The following TRIM33 variants were observed in gnomAD, a reference collection of about 807,000 sequenced individuals.
TRIM33 encodes tripartite motif containing 33.
Under a neutral mutation model 125.4 loss-of-function variants are expected in TRIM33, and 20 were observed. That is an observed-to-expected ratio of 0.16 (90% CI 0.11 to 0.23). The LOEUF (loss-of-function observed/expected upper bound fraction) is 0.23. Ranked by LOEUF, TRIM33 falls within the 10% of genes least tolerant of loss-of-function variation. The probability of loss-of-function intolerance (pLI) is 1.00; values close to 1 mark genes in which losing one functional copy is unlikely to be tolerated. For synonymous variants in TRIM33, 564 were observed against 513.9 expected (o/e 1.10, Z -1.32); for missense variants, 920 against 1,411.4 (o/e 0.65, Z 5.58).
chr1:114,412,053 A>G (rs1652626494), intron 11 of TRIM33, among the ~76,000 whole-genome samples: 1 of 148,648 alleles, frequency 6.7e-6, no homozygotes, highest in Non-Finnish European at 1.5e-5. Context: ...ACATAAGAAA[A>G]CCAATTTCAC....
chr1:114,397,587 G>GTGTTTTTTTTTTTTTTTT lies in TRIM33; in HGVS notation c.*43_*60dup, dbSNP rs1651608029. On this transcript the variant is annotated 3_prime_UTR_variant, in exon 20 of 20. Coordinates refer to ENST00000358465, the MANE Select transcript of TRIM33 (RefSeq NM_015906.4). The stretch of plus-strand genomic sequence containing the variant: ...CACTTAAAAGTTTTCTGGGTTTTTT[G>GTGTTTTTTTTTTTTTTTT]TGTTTTTTTTTTTTTTTTCGTTTTT... 3.3e-5 allele frequency: 31 copies of GTGTTTTTTTTTTTTTTTT among 952,540 alleles called. No homozygotes were observed. Among genetic ancestry groups the GTGTTTTTTTTTTTTTTTT allele is most frequent in the Middle Eastern group, 3.4e-4 (1 of 2,920 alleles). 59.0% of individuals were successfully genotyped at this position (952,540 alleles called of 1,614,324 possible). A position where few individuals can be genotyped will look rare whatever the true frequency, so the allele number is the denominator to read the frequency against.
At chr1:114,496,143 A>T (rs1202631006) in intron 1 of TRIM33, among the ~76,000 whole-genome samples, 4 of 152,248 alleles carry the variant, frequency 2.6e-5, no homozygotes, top group African/African-American at 9.6e-5. Context: ...CCTTACCCTC[A>T]TATCTGCCCT....
Position 114,397,663 on chromosome 1 carries a change from T to G in TRIM33, c.3369A>C (p.Pro1123=). ...RRKRLKSDER[P]VHIK is the part of the protein sequence containing the mutation. ...CCATGTCATTTTACTTTATATGTAC[T>G]GGTCTCTCATCTGACTTTAGGCGTT... is the stretch of plus-strand genomic sequence containing the variant. Residue 1123 remains proline, a synonymous_variant, in exon 20 of 20, where the codon CCA becomes CCC. Coordinates refer to ENST00000358465, the MANE Select transcript of TRIM33 (RefSeq NM_015906.4). 1 of 1,559,618 alleles carries G rather than the reference T, an allele frequency of 6.4e-7. No homozygotes were observed. The highest frequency in any genetic ancestry group is 1.1e-5 in the South Asian group (1 of 89,890).
chr1:114,491,425 G>A (rs373475174), intron 1 of TRIM33, among the ~76,000 whole-genome samples: 16 of 152,168 alleles, frequency 1.1e-4, no homozygotes, highest in African/African-American at 3.6e-4. Flanking sequence ...TTAGGTTCCT[G>A]CAAGCCTCCG....
intron 4 of TRIM33, among the ~76,000 whole-genome samples, chr1:114,456,655 G>A (rs7511633): frequency 0.35 from 53,548 of 151,978 alleles, 10,119 homozygotes; most frequent in African/African-American, 0.46. Context: ...ATCCCAATTT[G>A]CACTTACTCT....
At chr1:114,422,217 C>G (rs949984715) in intron 10 of TRIM33, among the ~76,000 whole-genome samples, 1 of 152,006 alleles carries the variant, frequency 6.6e-6, no homozygotes. Flanking sequence ...CTTAAGAAAA[C>G]GAATTCTACA....
chr1:114,461,254 TATTTTATATA>T (rs1649972502), intron 4 of TRIM33, among the ~76,000 whole-genome samples: 1 of 146,712 alleles, frequency 6.8e-6, no homozygotes, highest in African/African-American at 2.5e-5. Context: ...TTATATTTTA[TATTTTATATA>T]TATTATATAT....
intron 11 of TRIM33, among the ~76,000 whole-genome samples, chr1:114,411,996 C>T (rs1461878195): frequency 6.6e-6 from 1 of 151,880 alleles, no homozygotes. Flanking sequence ...AAAGATATTT[C>T]ACAAAAGACA....
chr1:114,426,591 G>C (rs1358950893), intron 8 of TRIM33, among the ~76,000 whole-genome samples: 1 of 150,814 alleles, frequency 6.6e-6, no homozygotes, highest in Admixed American at 6.6e-5. Flanking sequence ...TTCTGAAAGT[G>C]AGTTTACTCA....
At chr1:114,414,026 G>GGC (rs563073347) in intron 11 of TRIM33, among the ~76,000 whole-genome samples, 23 of 48,964 alleles carry the variant, frequency 4.7e-4, no homozygotes, top group South Asian at 3.2e-3. Context: ...ATAAATCACA[G>GGC]GCACACACAC....
At chr1:114,504,862 A>G (rs71664852) in intron 1 of TRIM33, among the ~76,000 whole-genome samples, 3 of 152,156 alleles carry the variant, frequency 2.0e-5, no homozygotes, top group Non-Finnish European at 2.9e-5. Flanking sequence ...CATGCTGTAC[A>G]TATCAGTAGA....
chr1:114,456,662 C>T (rs1649647379), intron 4 of TRIM33, among the ~76,000 whole-genome samples: 1 of 152,146 alleles, frequency 6.6e-6, no homozygotes, highest in South Asian at 2.1e-4. Context: ...TTTGCACTTA[C>T]TCTATCACCA....
chr1:114,401,558 C>T (rs1164818145), intron 16 of TRIM33, 95 bp from the exon 17 acceptor site: 2 of 993,876 alleles, frequency 2.0e-6, no homozygotes, highest in Non-Finnish European at 3.0e-6. Context: ...AGTTTGATTA[C>T]AACAAACTGA....
intron 11 of TRIM33, among the ~76,000 whole-genome samples, chr1:114,410,533 G>A (rs970516902): frequency 4.6e-5 from 7 of 152,118 alleles, no homozygotes; most frequent in Non-Finnish European, 7.4e-5. Flanking sequence ...TAGGTGCTCA[G>A]AGCAAAACAA....
chr1:114,427,301 G>A lies in TRIM33; in HGVS notation c.1303-7C>T. ...GACGCAACTGGAAAGTAATCTTAAA[G>A]GGAAAAAAATCCACATTAGTCTCAA... On this transcript the variant is annotated splice_region_variant and splice_polypyrimidine_tract_variant and intron_variant, in intron 7 of 19. Transcript: ENST00000358465. 2 of 1,452,554 alleles carry A rather than the reference G, an allele frequency of 1.4e-6. No individual in the cohort carries two copies. Among genetic ancestry groups the A allele is most frequent in the Non-Finnish European group, 1.9e-6 (2 of 1,055,570 alleles). The allele number at this position is 1,452,554 out of a possible 1,614,324, so 90.0% of individuals were successfully genotyped here. A position where few individuals can be genotyped will look rare whatever the true frequency, so the allele number is the denominator to read the frequency against.
At chr1:114,460,159 A>G (rs1649876019) in intron 4 of TRIM33, 1 of 182,568 alleles carries the variant, frequency 5.5e-6, no homozygotes, top group East Asian at 1.2e-4. Context: ...AGTTTGAAAT[A>G]TATCATCAAC....
At chr1:114,444,983 C>T (rs1304660049) in intron 4 of TRIM33, among the ~76,000 whole-genome samples, 1 of 151,866 alleles carries the variant, frequency 6.6e-6, no homozygotes, top group African/African-American at 2.4e-5. Context: ...TAGATGGAAA[C>T]TACTAAAAGA....
rs768475725 is a variant in TRIM33 at position 114,407,094 on chromosome 1, C to A, written c.2265G>T (p.Gly755=). The change falls in exon 14 of 20, where the codon GGG becomes GGT. Residue 755 remains glycine, a synonymous_variant. Transcript: ENST00000358465. ...TSSTGSRGSC[G]SSGRTAEKTS... ...TCTTCTCAGCAGTTCTTCCTGATGACCCACAGCTAATAAGAAACAACAAAT... is the reference window on the plus strand; with the variant it reads ...TCTTCTCAGCAGTTCTTCCTGATGAACCACAGCTAATAAGAAACAACAAAT... The A allele has an allele frequency of 3.1e-6, 5 of 1,611,374 alleles. No individual in the cohort carries two copies. Among genetic ancestry groups the A allele is most frequent in the Non-Finnish European group, 4.2e-6 (5 of 1,179,024 alleles).
intron 1 of TRIM33, among the ~76,000 whole-genome samples, chr1:114,474,928 A>G (rs2101453777): frequency 6.6e-6 from 1 of 151,964 alleles, no homozygotes; most frequent in Middle Eastern, 3.4e-3. Flanking sequence ...GGCTATTCTA[A>G]TATCAGATAA....
Sources: gnomAD v4.1 joint callset for allele counts (sites outside exome capture counted in the v4.1 genomes callset) on GRCh38, gnomAD v4.1.1 for gene constraint, MANE v1.5 for transcripts, NCBI Gene and HGNC (gene_info 2026-07-23, HGNC 2026-07-21) for gene names.